Variants in PHACTR1 observed in about 807,000 individuals in gnomAD.
The protein encoded by PHACTR1 is phosphatase and actin regulator 1.
PHACTR1 carries 16 observed loss-of-function variants against 69.2 expected under a neutral mutation model. That is an observed-to-expected ratio of 0.23 (90% CI 0.16 to 0.35). PHACTR1 has a LOEUF of 0.35. Ranked by LOEUF, PHACTR1 falls within the 10% of genes least tolerant of loss-of-function variation. The probability of loss-of-function intolerance (pLI) is 1.00; values close to 1 mark genes in which losing one functional copy is unlikely to be tolerated. For synonymous variants in PHACTR1, 312 were observed against 284.5 expected (o/e 1.10, Z -0.97); for missense variants, 510 against 734.7 (o/e 0.69, Z 3.54).
intron 10 of PHACTR1, 88 bp downstream of exon 10, chr6:13,230,281 G>A: frequency 6.5e-7 from 1 of 1,543,752 alleles, no homozygotes; most frequent in Non-Finnish European, 8.7e-7. Flanking sequence ...GCCGGGCGCA[G>A]TAGCTTATGC....
At chr6:12,757,784 A>T (rs1767511137) in intron 4 of PHACTR1, among the ~76,000 whole-genome samples, 1 of 152,124 alleles carries the variant, frequency 6.6e-6, no homozygotes, top group Non-Finnish European at 1.5e-5. Context: ...GTCAAGTGTA[A>T]GACCTCTATC....
chr6:13,181,787 T>G (rs1244059123), intron 6 of PHACTR1, among the ~76,000 whole-genome samples: 1 of 152,198 alleles, frequency 6.6e-6, no homozygotes, highest in Non-Finnish European at 1.5e-5. Context: ...AGACAGGACC[T>G]TGGTGCGTGT....
chr6:13,038,997 C>T (rs1191059228), intron 4 of PHACTR1, among the ~76,000 whole-genome samples: 1 of 152,192 alleles, frequency 6.6e-6, no homozygotes, highest in East Asian at 1.9e-4. Flanking sequence ...ACTTGGAACA[C>T]TTTAGTTCAT....
In PHACTR1 at chr6:12,796,376, C is replaced by T. The variant is rs182778889; in HGVS notation, c.250+46586C>T. On this transcript the variant is annotated intron_variant, in intron 4 of 14. Coordinates refer to ENST00000332995, the MANE Select transcript of PHACTR1 (RefSeq NM_030948.6). The stretch of plus-strand genomic sequence containing the variant: ...CTATATTGCTATGTATTTCATGAGA[C>T]CTTGTTCCCAGTACAGACTCTGAAC... Among the ~76,000 whole-genome samples, 507 of 152,302 alleles carry T rather than the reference C, an allele frequency of 3.3e-3. 3 individuals are homozygous for T. Among genetic ancestry groups the T allele is most frequent in the African/African-American group, 0.012 (489 of 41,562 alleles).
At chr6:12,922,814 A>G (rs913855333) in intron 4 of PHACTR1, among the ~76,000 whole-genome samples, 19 of 152,206 alleles carry the variant, frequency 1.2e-4, no homozygotes, top group African/African-American at 3.9e-4. Context: ...AGAGGTATAC[A>G]TTATCCACTG....
intron 4 of PHACTR1, among the ~76,000 whole-genome samples, chr6:12,753,031 A>G (rs1294803845): frequency 6.6e-6 from 1 of 152,240 alleles, no homozygotes; most frequent in African/African-American, 2.4e-5. Flanking sequence ...TTAAGTCAAT[A>G]TATCTGTCGA....
intron 4 of PHACTR1, among the ~76,000 whole-genome samples, chr6:13,047,135 T>G (rs541739821): frequency 3.1e-3 from 467 of 152,232 alleles, no homozygotes; most frequent in Non-Finnish European, 5.3e-3. Context: ...CCCAGCACTT[T>G]GGGAGGCCAA....
At chr6:12,970,501 G>T (rs186248499) in intron 4 of PHACTR1, among the ~76,000 whole-genome samples, 1 of 152,198 alleles carries the variant, frequency 6.6e-6, no homozygotes, top group African/African-American at 2.4e-5. Flanking sequence ...CCGGCGTAGT[G>T]GCTCACGCCT....
At chr6:13,247,364 T>TGTGTGTGA (rs1554171040) in intron 10 of PHACTR1, among the ~76,000 whole-genome samples, 1,896 of 150,016 alleles carry the variant, frequency 0.013, 51 homozygotes, top group African/African-American at 0.043. Flanking sequence ...TGTGTGTGTG[T>TGTGTGTGA]GACGGAGTTT....
intron 4 of PHACTR1, among the ~76,000 whole-genome samples, chr6:12,830,045 A>ATAG (rs1777277998): frequency 6.8e-6 from 1 of 147,076 alleles, no homozygotes; most frequent in Non-Finnish European, 1.5e-5. Context: ...GAAAGAAAAG[A>ATAG]AAGAAGGAAG....
chr6:12,775,600 T>C (rs1035640123), intron 4 of PHACTR1, among the ~76,000 whole-genome samples: 8 of 152,278 alleles, frequency 5.3e-5, no homozygotes, highest in African/African-American at 1.9e-4. Flanking sequence ...AAAAAACCCA[T>C]TGTGGTGGAG....
intron 5 of PHACTR1, among the ~76,000 whole-genome samples, chr6:13,143,915 C>A (rs570957991): frequency 6.6e-6 from 1 of 152,204 alleles, no homozygotes; most frequent in South Asian, 2.1e-4. Flanking sequence ...TATTCAAACT[C>A]AACCAATATT....
intron 4 of PHACTR1, among the ~76,000 whole-genome samples, chr6:12,991,955 T>TA (rs1796869677): frequency 6.6e-6 from 1 of 151,902 alleles, no homozygotes; most frequent in Non-Finnish European, 1.5e-5. Flanking sequence ...TTTTTTTTTT[T>TA]ACCCTTATGA....
At position 13,272,924 on chromosome 6, in the gene PHACTR1, C is replaced by T. The variant is rs1292324500; in HGVS notation, c.1447+9C>T. 6.2e-7 allele frequency: 1 copy of T among 1,613,920 alleles called. No individual in the cohort carries two copies. The highest frequency in any genetic ancestry group is 8.5e-7 in the Non-Finnish European group (1 of 1,179,898). On this transcript the variant is annotated intron_variant, in intron 11 of 14. Coordinates refer to ENST00000332995, the MANE Select transcript of PHACTR1 (RefSeq NM_030948.6). ...GAGGAACATTTTGAAACGTAAGTGACTAAGCCCATGGCAATCCCTGATGTT... is the reference window on the plus strand; with the variant it reads ...GAGGAACATTTTGAAACGTAAGTGATTAAGCCCATGGCAATCCCTGATGTT...
At chr6:12,947,341 CTT>C (rs35334406) in intron 4 of PHACTR1, among the ~76,000 whole-genome samples, 1,811 of 142,384 alleles carry the variant, frequency 0.013, 34 homozygotes, top group African/African-American at 0.039. Flanking sequence ...AACTATTCTG[CTT>C]TTTTTTTTTT....
Position 13,230,172 on chromosome 6 carries a change from A to T in PHACTR1, c.1370A>T (p.Gln457Leu). 1 of 1,610,760 alleles carries T rather than the reference A, an allele frequency of 6.2e-7. No homozygotes were observed. Among genetic ancestry groups the T allele is most frequent in the South Asian group, 1.1e-5 (1 of 90,096 alleles). ...TDEERLELRQ[Q>L]IGTKLTRRLS... is the part of the protein sequence containing the mutation. ...GAGGAGCGGCTGGAGCTGAGGCAAC[A>T]GATTGGCACCAAGCTCACCAGGTAG... The change falls in exon 10 of 15, where the codon CAG becomes CTG. Residue 457 changes from glutamine (Q) to leucine (L), a missense_variant. Transcript: ENST00000332995.
At chr6:13,180,295 G>C (rs1300292058) in intron 6 of PHACTR1, among the ~76,000 whole-genome samples, 1 of 152,168 alleles carries the variant, frequency 6.6e-6, no homozygotes, top group African/African-American at 2.4e-5. Flanking sequence ...TAACAGTGGA[G>C]TTCCCAAGCT....
chr6:13,177,760 T>C (rs559958337), intron 6 of PHACTR1, among the ~76,000 whole-genome samples: 3 of 152,272 alleles, frequency 2.0e-5, no homozygotes, highest in Admixed American at 2.0e-4. Context: ...GCCTCACTTA[T>C]GGGAGGAGCG....
intron 7 of PHACTR1, among the ~76,000 whole-genome samples, chr6:13,199,014 T>C (rs372966609): frequency 4.6e-5 from 7 of 152,302 alleles, no homozygotes; most frequent in East Asian, 1.9e-4. Flanking sequence ...TGTGGACTTA[T>C]TGAATCTGAA....
Sources: gnomAD v4.1 joint callset for allele counts (sites outside exome capture counted in the v4.1 genomes callset) on GRCh38, gnomAD v4.1.1 for gene constraint, MANE v1.5 for transcripts, NCBI Gene and HGNC (gene_info 2026-07-23, HGNC 2026-07-21) for gene names.